The following TRABD2B variants were observed in gnomAD, a reference collection of about 807,000 sequenced individuals.
TRABD2B encodes TraB domain containing 2B.
A neutral mutation model predicts 40.1 loss-of-function variants in TRABD2B; 14 were observed. The observed-to-expected ratio is 0.35, with a 90% CI of 0.23 to 0.55. TRABD2B has a LOEUF of 0.55. Ranked by LOEUF, TRABD2B falls within the 20% of genes least tolerant of loss-of-function variation. TRABD2B has a pLI of 0.90. For synonymous variants in TRABD2B, 263 were observed against 277.0 expected, an observed-to-expected ratio of 0.95 and a Z score of 0.50; for missense variants, 541 against 648.6, an observed-to-expected ratio of 0.83 and a Z score of 1.80.
chr1:47,795,135 G>C (rs1644731801), intron 3 of TRABD2B, among the ~76,000 whole-genome samples: 1 of 152,122 alleles, frequency 6.6e-6, no homozygotes, highest in African/African-American at 2.4e-5. Context: ...AGTGGGGCTG[G>C]GCAACTTCCT....
rs561511204 is a variant in TRABD2B at position 47,909,624 on chromosome 1, G to A, written c.666+84410C>T. ...AGGAGCCAGACTCTTTTAAACGACC[G>A]GATCTCATGGGAACCAATAGAATGA... On this transcript the variant is annotated intron_variant, in intron 2 of 6. Transcript: ENST00000606738. Among the ~76,000 whole-genome samples, 386 of 149,338 alleles carry A rather than the reference G, an allele frequency of 2.6e-3. 2 individuals carry two copies. The highest frequency in any genetic ancestry group is 6.6e-3 in the African/African-American group (266 of 40,604).
intron 2 of TRABD2B, among the ~76,000 whole-genome samples, chr1:47,966,601 G>C (rs1345592193): frequency 1.3e-5 from 2 of 152,060 alleles, no homozygotes; most frequent in Non-Finnish European, 2.9e-5. Flanking sequence ...ATCTCAAGAA[G>C]GAATTTAAAA....
intron 6 of TRABD2B, among the ~76,000 whole-genome samples, chr1:47,773,912 G>A (rs1245929458): frequency 2.6e-5 from 4 of 152,174 alleles, no homozygotes; most frequent in Non-Finnish European, 5.9e-5. Context: ...TAATGGGCTG[G>A]ACCATGGCAA....
At position 47,886,549 on chromosome 1, in the gene TRABD2B, T is replaced by C. The variant is rs570152652; in HGVS notation, c.667-84930A>G. 3.3e-5 allele frequency among the ~76,000 whole-genome samples: 5 copies of C among 152,286 alleles called. No homozygotes were observed. The East Asian group carries it at 9.7e-4, about 29-fold the overall frequency. On this transcript the variant is annotated intron_variant, in intron 2 of 6. Transcript: ENST00000606738. ...CCTATTATAAACCACTCCCTGAATT[T>C]TGTCCTTTTCCCTGTTCTCTCCACC...
At chr1:47,786,468 T>A (rs1644597253) in intron 4 of TRABD2B, among the ~76,000 whole-genome samples, 1 of 152,230 alleles carries the variant, frequency 6.6e-6, no homozygotes, top group South Asian at 2.1e-4. Flanking sequence ...GATGTTCCTC[T>A]GGCTGGCTGG....
intron 2 of TRABD2B, among the ~76,000 whole-genome samples, chr1:47,943,570 A>T (rs75626687): frequency 0.016 from 2,401 of 152,234 alleles, 69 homozygotes; most frequent in African/African-American, 0.055. Flanking sequence ...AGGGTCATAT[A>T]TTCAGCTACT....
chr1:47,904,850 T>C (rs1644654347), intron 2 of TRABD2B, among the ~76,000 whole-genome samples: 1 of 152,232 alleles, frequency 6.6e-6, no homozygotes, highest in Non-Finnish European at 1.5e-5. Flanking sequence ...TTTCAAAATA[T>C]AATATCCTCT....
intron 2 of TRABD2B, among the ~76,000 whole-genome samples, chr1:47,937,290 A>T (rs914146717): frequency 6.6e-6 from 1 of 151,386 alleles, no homozygotes; most frequent in Admixed American, 6.6e-5. Context: ...CATGATCATG[A>T]CCATCACCAC....
At chr1:47,901,004 T>G (rs1644593276) in intron 2 of TRABD2B, among the ~76,000 whole-genome samples, 1 of 152,238 alleles carries the variant, frequency 6.6e-6, no homozygotes, top group African/African-American at 2.4e-5. Context: ...ATCATTAGGT[T>G]AGTTGTGCCC....
chr1:47,843,471 G>A (rs1004453727), intron 2 of TRABD2B, among the ~76,000 whole-genome samples: 3 of 152,204 alleles, frequency 2.0e-5, no homozygotes, highest in Non-Finnish European at 4.4e-5. Context: ...AGTGGAGCAG[G>A]CTTGGGAGTA....
intron 2 of TRABD2B, among the ~76,000 whole-genome samples, chr1:47,921,063 C>A (rs747466982): frequency 9.9e-5 from 15 of 152,222 alleles, no homozygotes; most frequent in Non-Finnish European, 1.5e-4. Context: ...ACTTGCTGCA[C>A]CATACTTGGC....
intron 4 of TRABD2B, among the ~76,000 whole-genome samples, chr1:47,786,513 C>A (rs757934618): frequency 2.0e-5 from 3 of 152,202 alleles, no homozygotes; most frequent in Non-Finnish European, 1.5e-5. Context: ...GCGACTCTGG[C>A]CAAGGATTGC....
intron 2 of TRABD2B, chr1:47,818,681 C>G (rs1334359087): frequency 6.6e-6 from 1 of 152,224 alleles, no homozygotes; most frequent in Non-Finnish European, 1.5e-5. Flanking sequence ...GGAGGCTGTC[C>G]CTCACCAGGG....
At chr1:47,984,400 G>A (rs1248203522) in intron 2 of TRABD2B, among the ~76,000 whole-genome samples, 1 of 152,234 alleles carries the variant, frequency 6.6e-6, no homozygotes, top group Admixed American at 6.5e-5. Flanking sequence ...CGCTCGCGGA[G>A]GCCAGGCCAG....
At chr1:47,958,401 A>G (rs1645457317) in intron 2 of TRABD2B, among the ~76,000 whole-genome samples, 1 of 147,930 alleles carries the variant, frequency 6.8e-6, no homozygotes, top group Non-Finnish European at 1.5e-5. Context: ...TCCAATTAAA[A>G]GACACAGACT....
chr1:47,826,717 G>A (rs1317300616), intron 2 of TRABD2B, among the ~76,000 whole-genome samples: 1 of 152,164 alleles, frequency 6.6e-6, no homozygotes, highest in Non-Finnish European at 1.5e-5. Context: ...AGAACTACAG[G>A]TGCGTGCCAT....
chr1:47,798,075 G>A (rs1644772365), intron 3 of TRABD2B, among the ~76,000 whole-genome samples: 2 of 152,268 alleles, frequency 1.3e-5, no homozygotes, highest in South Asian at 2.1e-4. Flanking sequence ...TTGGGCTAGG[G>A]GGCCTGAGAG....
In TRABD2B at chr1:47,996,915, C is replaced by T. The variant is rs1419060126; in HGVS notation, c.-126G>A. Reference sequence around the variant, plus strand: ...GCTCCAGCCGCAGGATGCTGGGCGCCCTCTGGGGCGTGGCTGACTGTCCCT... The same window carrying T: ...GCTCCAGCCGCAGGATGCTGGGCGCTCTCTGGGGCGTGGCTGACTGTCCCT... On this transcript the variant is annotated 5_prime_UTR_variant, in exon 1 of 7. Transcript: ENST00000606738. This position sits in a 1 kb window ranked among gnomAD's most constrained non-coding sequence, Gnocchi z 4.6. The T allele has an allele frequency of 8.9e-7, 1 of 1,123,950 alleles. No individual in the cohort carries two copies. Among genetic ancestry groups the T allele is most frequent in the Admixed American group, 4.9e-5 (1 of 20,320 alleles). The allele number at this position is 1,123,950 out of a possible 1,614,324, so 69.6% of individuals were successfully genotyped here.
intron 2 of TRABD2B, among the ~76,000 whole-genome samples, chr1:47,951,134 T>G (rs1391904383): frequency 6.6e-6 from 1 of 152,140 alleles, no homozygotes; most frequent in African/African-American, 2.4e-5. Flanking sequence ...GCGTCGACTC[T>G]CCTTTCCTCC....
Sources: allele counts gnomAD v4.1 joint callset (sites outside exome capture counted in the v4.1 genomes callset), GRCh38; gene constraint gnomAD v4.1.1; non-coding constraint Gnocchi (gnomAD v3.1); transcripts MANE v1.5; gene names NCBI Gene and HGNC (gene_info 2026-07-23, HGNC 2026-07-21).